The following S100A3 variants were observed in gnomAD, a reference collection of about 807,000 sequenced individuals.
The protein encoded by S100A3 is protein S100-A3.
Under a neutral mutation model 8.0 loss-of-function variants are expected in S100A3, and 11 were observed. That is an observed-to-expected ratio of 1.37 (90% CI 0.86 to 2.27). S100A3 has a LOEUF of 2.27. Among genes scored for constraint, S100A3 ranks in the 30% most tolerant of loss-of-function variants. The pLI is 0.00. For synonymous variants in S100A3, 43 were observed against 49.6 expected, an observed-to-expected ratio of 0.87 and a Z score of 0.56; for missense variants, 124 against 127.1, an observed-to-expected ratio of 0.98 and a Z score of 0.12.
At chr1:153,548,323 G>A (rs1040817277) in intron 2 of S100A3, 22 bp downstream of exon 2, 2 of 1,612,982 alleles carry the variant, frequency 1.2e-6, no homozygotes, top group Non-Finnish European at 1.7e-6. Flanking sequence ...AGGAGGAGGG[G>A]ACGGACACTC....
intron 1 of S100A3, 46 bp from the exon 2 acceptor site, chr1:153,548,536 C>A (rs1324758511): frequency 6.5e-7 from 1 of 1,531,736 alleles, no homozygotes; most frequent in Non-Finnish European, 8.8e-7. Flanking sequence ...TCCAGGCCAG[C>A]CCCCCAGCTC....
At chr1:153,548,617 G>A (rs1665643938) in intron 1 of S100A3, 127 bp from the exon 2 acceptor site, 7 of 1,254,784 alleles carry the variant, frequency 5.6e-6, no homozygotes, top group Middle Eastern at 2.8e-4. Flanking sequence ...TTCAGGCCCC[G>A]CAGTCTCCCC....
In S100A3 at chr1:153,548,414, C is replaced by G; in HGVS notation, c.72G>C (p.Gly24=). Residue 24 remains glycine (G), a synonymous_variant, in exon 2 of 3, where the codon GGG becomes GGC. Coordinates refer to ENST00000368713, the MANE Select transcript of S100A3 (RefSeq NM_002960.2). ...CTFQEYAGRC[G]DKYKLCQAEL... is the part of the protein sequence containing the mutation. ...CCGCCTGGCAGAGCTTGTATTTGTC[C>G]CCACAGCGCCCTGCGTATTCCTGGA... The G allele has an allele frequency of 6.2e-7, 1 of 1,613,780 alleles. No individual in the cohort carries two copies. The highest frequency in any genetic ancestry group is 8.5e-7 in the Non-Finnish European group (1 of 1,179,884).
In S100A3 at chr1:153,547,695, G is replaced by C. The variant is rs199928185; in HGVS notation, c.293C>G (p.Pro98Arg). The change falls in exon 3 of 3, where the codon CCC (proline) becomes CGC (arginine). Residue 98 changes from proline to arginine, a missense_variant. Physicochemically the swap from Pro to Arg is moderately radical, Grantham distance 103 (BLOSUM62 -2). Transcript: ENST00000368713. This position sits in a 1 kb window ranked among gnomAD's most constrained non-coding sequence, Gnocchi z 4.0. Reference sequence around the variant, plus strand: ...CTGGAGCAGAGGCTACTGGGAGCAGGGGGGCTCTGAGGGGCAGTCCTTGAA... The same window carrying C: ...CTGGAGCAGAGGCTACTGGGAGCAGCGGGGCTCTGAGGGGCAGTCCTTGAA... ...EYFKDCPSEP[P>R]CSQ is the part of the protein sequence containing the mutation. 3 of 1,613,750 alleles carry C rather than the reference G, an allele frequency of 1.9e-6. No homozygotes were observed. Among genetic ancestry groups the C allele is most frequent in the African/African-American group, 2.7e-5 (2 of 74,898 alleles).
chr1:153,548,463 G>A lies in S100A3; in HGVS notation c.23C>T (p.Ala8Val), dbSNP rs776210052. The change falls in exon 2 of 3, where the codon GCG (alanine) becomes GTG (valine). Residue 8 changes from alanine (A) to valine (V), a missense_variant. Coordinates refer to ENST00000368713, the MANE Select transcript of S100A3 (RefSeq NM_002960.2). The stretch of plus-strand genomic sequence containing the variant: ...GAAGGTGCACACGATGGCAGCTACC[G>A]CCTGCTCCAGAGGCCTGGCCATCCT... MARPLEQ[A>V]VAAIVCTFQE... 31 of 1,602,370 alleles carry A rather than the reference G, an allele frequency of 1.9e-5. No homozygotes were observed. The highest frequency in any genetic ancestry group is 4.5e-5 in the East Asian group (2 of 44,640).
chr1:153,548,677 C>A (rs1665644897), intron 1 of S100A3, among the ~76,000 whole-genome samples, 187 bp from the exon 2 acceptor site: 1 of 152,128 alleles, frequency 6.6e-6, no homozygotes, highest in Admixed American at 6.5e-5. Context: ...TAATTTATCC[C>A]CCTGCTGTCC....
At position 153,547,613 on chromosome 1, in the gene S100A3, G is replaced by C. The variant is rs1665601498; in HGVS notation, c.*69C>G. The C allele has an allele frequency of 6.5e-7, 1 of 1,548,514 alleles. No homozygotes were observed. The highest frequency in any genetic ancestry group is 1.4e-5 in the African/African-American group (1 of 73,358). ...AGTCCAGATTGAAAGGGGTACAGGA[G>C]AGAGGGTAGGAGGGGGTGTGGGAGA... On this transcript the variant is annotated 3_prime_UTR_variant, in exon 3 of 3. Coordinates refer to ENST00000368713, the MANE Select transcript of S100A3 (RefSeq NM_002960.2). This position sits in a 1 kb window ranked among gnomAD's most constrained non-coding sequence, Gnocchi z 4.0.
rs771295180 is a variant in S100A3 at position 153,547,760 on chromosome 1, C to T, written c.228G>A (p.Val76=). 6.2e-7 allele frequency: 1 copy of T among 1,614,054 alleles called. No homozygotes were observed. Among genetic ancestry groups the T allele is most frequent in the South Asian group, 1.1e-5 (1 of 91,090 alleles). ...KDCEVDFVEY[V]RSLACLCLYC... is the part of the protein sequence containing the mutation. ...AGAGACAGAGGCAGGCAAGTGAGCGCACATACTCCACAAAGTCCACCTCGC... is the reference window on the plus strand; with the variant it reads ...AGAGACAGAGGCAGGCAAGTGAGCGTACATACTCCACAAAGTCCACCTCGC... The change falls in exon 3 of 3, where the codon GTG becomes GTA. Residue 76 remains valine (V), a synonymous_variant. Coordinates refer to ENST00000368713, the MANE Select transcript of S100A3 (RefSeq NM_002960.2). The surrounding 1 kb of genome is among the most constrained non-coding windows in gnomAD (Gnocchi z 4.0).
At chr1:153,549,049 G>A (rs61265945) in intron 1 of S100A3, 132 bp downstream of exon 1, 21,240 of 152,878 alleles carry the variant, frequency 0.14, 2,894 homozygotes, top group African/African-American at 0.35. Context: ...CCCTGAACTC[G>A]AGGAAGCTGC....
chr1:153,548,429 G>C lies in S100A3; in HGVS notation c.57C>G (p.Tyr19Ter), dbSNP rs147347506. 2 of 1,613,186 alleles carry C rather than the reference G, an allele frequency of 1.2e-6. No homozygotes were observed. The highest frequency in any genetic ancestry group is 1.3e-5 in the African/African-American group (1 of 75,020). The part of the protein sequence containing the change: ...VAAIVCTFQE[Y>*]AGRCGDKYKL... Reference sequence around the variant, plus strand: ...TGTATTTGTCCCCACAGCGCCCTGCGTATTCCTGGAAGGTGCACACGATGG... The same window carrying C: ...TGTATTTGTCCCCACAGCGCCCTGCCTATTCCTGGAAGGTGCACACGATGG... The change falls in exon 2 of 3, where the codon TAC (tyrosine) becomes TAG (stop). Residue 19 changes from tyrosine (Y) to a stop codon, truncating the protein, a stop_gained. Coordinates refer to ENST00000368713, the MANE Select transcript of S100A3 (RefSeq NM_002960.2). LOFTEE classifies it high-confidence loss of function.
In S100A3 at chr1:153,547,695, G is replaced by A. The variant is rs199928185; in HGVS notation, c.293C>T (p.Pro98Leu). Residue 98 changes from proline to leucine, a missense_variant, in exon 3 of 3, where the codon CCC (proline) becomes CTC (leucine). Physicochemically the swap from Pro to Leu is moderately conservative, Grantham distance 98 (BLOSUM62 -3). Transcript: ENST00000368713. This position sits in a 1 kb window ranked among gnomAD's most constrained non-coding sequence, Gnocchi z 4.0. ...CTGGAGCAGAGGCTACTGGGAGCAGGGGGGCTCTGAGGGGCAGTCCTTGAA... is the reference window on the plus strand; with the variant it reads ...CTGGAGCAGAGGCTACTGGGAGCAGAGGGGCTCTGAGGGGCAGTCCTTGAA... Reference protein sequence around the residue: ...EYFKDCPSEPPCSQ With the variant: ...EYFKDCPSEPLCSQ 23 of 1,613,750 alleles carry A rather than the reference G, an allele frequency of 1.4e-5. No homozygotes were observed. The South Asian group carries it at 2.3e-4, about 16-fold the overall frequency.
Position 153,547,773 on chromosome 1 carries a change from AAG to A in S100A3, c.213_214del (p.Phe72CysfsTer75). The A allele has an allele frequency of 6.2e-7, 1 of 1,614,032 alleles. No homozygotes were observed. The highest frequency in any genetic ancestry group is 1.1e-5 in the South Asian group (1 of 91,086). On this transcript the variant is annotated frameshift_variant, in exon 3 of 3. Transcript: ENST00000368713. LOFTEE classifies it high-confidence loss of function. The surrounding 1 kb of genome is among the most constrained non-coding windows in gnomAD (Gnocchi z 4.0). ...GGCAAGTGAGCGCACATACTCCACA[AAG>A]TCCACCTCGCAGTCCTTGTTGGTGT...
chr1:153,547,463 G>T lies in S100A3; in HGVS notation c.*219C>A. 1.8e-6 allele frequency: 1 copy of T among 552,286 alleles called. No homozygotes were observed. Among genetic ancestry groups the T allele is most frequent in the Non-Finnish European group, 3.2e-6 (1 of 314,552 alleles). The allele number at this position is 552,286 out of a possible 1,614,324, so 34.2% of individuals were successfully genotyped here. A position where few individuals can be genotyped will look rare whatever the true frequency, so the allele number is the denominator to read the frequency against. ...CATCCACAAGGGAGGCCACAGGGGT[G>T]CGGCAGGCAGGCTGGGCCCCAGAGT... On this transcript the variant is annotated 3_prime_UTR_variant, in exon 3 of 3. Coordinates refer to ENST00000368713, the MANE Select transcript of S100A3 (RefSeq NM_002960.2). The surrounding 1 kb of genome is among the most constrained non-coding windows in gnomAD (Gnocchi z 4.0).
At chr1:153,548,540 C>A (rs1665641913) in intron 1 of S100A3, 50 bp from the exon 2 acceptor site, 3 of 1,531,744 alleles carry the variant, frequency 2.0e-6, no homozygotes, top group Non-Finnish European at 1.8e-6. Context: ...GGCCAGCCCC[C>A]CAGCTCACCT....
rs376645893 is a variant in S100A3, at chr1:153,547,667, C to T, written c.*15G>A. The T allele has an allele frequency of 3.1e-6, 5 of 1,611,508 alleles. No individual in the cohort carries two copies. The African/African-American group carries it at 5.3e-5, about 17-fold the overall frequency. On this transcript the variant is annotated 3_prime_UTR_variant, in exon 3 of 3. Transcript: ENST00000368713. This position sits in a 1 kb window ranked among gnomAD's most constrained non-coding sequence, Gnocchi z 4.0. ...GCCCAGCCCCCGACAGCCAGCGCAC[C>T]CCCTGGAGCAGAGGCTACTGGGAGC...
intron 1 of S100A3, among the ~76,000 whole-genome samples, 151 bp from the exon 2 acceptor site, chr1:153,548,641 C>A (rs548140215): frequency 1.4e-3 from 206 of 152,156 alleles, no homozygotes; most frequent in African/African-American, 4.6e-3. Context: ...CTCTGAGTAG[C>A]CCTCCCAGAC....
chr1:153,548,288 G>C, intron 2 of S100A3, 57 bp downstream of exon 2: 41 of 1,605,174 alleles, frequency 2.6e-5, no homozygotes, highest in Non-Finnish European at 3.4e-5. Flanking sequence ...TCTCTTTGCA[G>C]AGTCTAGGCA....
At position 153,548,415 on chromosome 1, in the gene S100A3, C is replaced by A; in HGVS notation, c.71G>T (p.Gly24Val). 1 of 1,613,808 alleles carries A rather than the reference C, an allele frequency of 6.2e-7. No individual in the cohort carries two copies. Among genetic ancestry groups the A allele is most frequent in the South Asian group, 1.1e-5 (1 of 91,080 alleles). Reference protein sequence around the residue: ...CTFQEYAGRCGDKYKLCQAEL... With the variant: ...CTFQEYAGRCVDKYKLCQAEL... ...CGCCTGGCAGAGCTTGTATTTGTCC[C>A]CACAGCGCCCTGCGTATTCCTGGAA... Residue 24 changes from glycine (G) to valine (V), a missense_variant, in exon 2 of 3, where the codon GGG (glycine) becomes GTG (valine). Gly to Val is a moderately radical substitution (Grantham distance 109). Transcript: ENST00000368713.
In S100A3 at chr1:153,547,926, CCT is replaced by C. The variant is rs1373126400; in HGVS notation, c.142-82_142-81del. The C allele has an allele frequency of 6.8e-7, 1 of 1,479,316 alleles. No individual in the cohort carries two copies. The highest frequency in any genetic ancestry group is 2.3e-5 in the East Asian group (1 of 43,832). 91.6% of individuals were successfully genotyped at this position (1,479,316 alleles called of 1,614,324 possible). On this transcript the variant is annotated intron_variant, in intron 2 of 2. Coordinates refer to ENST00000368713, the MANE Select transcript of S100A3 (RefSeq NM_002960.2). This position sits in a 1 kb window ranked among gnomAD's most constrained non-coding sequence, Gnocchi z 4.0. ...AGCCTCACACGCCACCTCCCTCCTT[CCT>C]CTCCCAAGTGGACCCACCCCACCCC...
Sources: allele counts gnomAD v4.1 joint callset (sites outside exome capture counted in the v4.1 genomes callset), GRCh38; gene constraint gnomAD v4.1.1; non-coding constraint Gnocchi (gnomAD v3.1); transcripts MANE v1.5; gene names NCBI Gene and HGNC (gene_info 2026-07-23, HGNC 2026-07-21).